The following CCDC144A variants were observed in gnomAD, a reference collection of about 807,000 sequenced individuals.
The protein encoded by CCDC144A is coiled-coil domain-containing protein 144A.
In CCDC144A, 41 loss-of-function variants were observed where a neutral mutation model predicts 143.8. That is an observed-to-expected ratio of 0.29 (90% CI 0.22 to 0.37). The LOEUF is 0.37. Among genes scored for constraint, CCDC144A ranks in the 10% least tolerant of loss-of-function variants. The pLI, the probability that CCDC144A is intolerant of heterozygous loss-of-function variation, is 1.00. For missense variants in CCDC144A, 637 were observed against 1,488.8 expected (o/e 0.43, Z 9.41); for synonymous variants, 242 against 517.9 (o/e 0.47, Z 7.23).
chr17:16,667,582 T>G, the CCDC144A span, among the ~76,000 whole-genome samples: 2 of 150,328 alleles, frequency 1.3e-5, no homozygotes, highest in Admixed American at 1.3e-4. Context: ...CTCCGGCTGC[T>G]CAGCCACTTG....
intron 12 of CCDC144A, among the ~76,000 whole-genome samples, chr17:16,752,112 C>T (rs995590461): frequency 3.9e-5 from 6 of 152,272 alleles, no homozygotes; most frequent in African/African-American, 7.2e-5. Context: ...GGAACTGGGC[C>T]GCACAGCAGG....
chr17:16,702,824 G>A (rs936005960), intron 2 of CCDC144A, among the ~76,000 whole-genome samples: 5 of 151,782 alleles, frequency 3.3e-5, no homozygotes, highest in Non-Finnish European at 7.4e-5. Flanking sequence ...AAGAAGAGTG[G>A]GGTATTAGAA....
intron 12 of CCDC144A, among the ~76,000 whole-genome samples, chr17:16,750,622 C>A (rs1321554137): frequency 6.6e-6 from 1 of 151,730 alleles, no homozygotes; most frequent in Admixed American, 6.6e-5. Flanking sequence ...TGGACTATAT[C>A]CTCAGACATG....
At chr17:16,693,550 C>T (rs1187843956) in intron 2 of CCDC144A, among the ~76,000 whole-genome samples, 1 of 152,168 alleles carries the variant, frequency 6.6e-6, no homozygotes, top group Non-Finnish European at 1.5e-5. Flanking sequence ...CTCCTGACCT[C>T]ATGATCCATC....
At chr17:16,756,792 G>A in intron 12 of CCDC144A, among the ~76,000 whole-genome samples, 1 of 151,824 alleles carries the variant, frequency 6.6e-6, no homozygotes, top group Non-Finnish European at 1.5e-5. Flanking sequence ...TTCTGTAGAT[G>A]TATCTATGTT....
At chr17:16,739,837 GTCTT>G (rs1174203323) in intron 12 of CCDC144A, among the ~76,000 whole-genome samples, 2 of 151,514 alleles carry the variant, frequency 1.3e-5, no homozygotes, top group African/African-American at 4.9e-5. Context: ...ATTACCAGTT[GTCTT>G]ATGTAAGAAT....
chr17:16,683,607 A>C, the CCDC144A span: 3 of 1,611,116 alleles, frequency 1.9e-6, no homozygotes, highest in African/African-American at 1.3e-5. Context: ...TGCCAGATTT[A>C]AGAAGTTTGC....
intron 2 of CCDC144A, among the ~76,000 whole-genome samples, chr17:16,694,844 T>A (rs1337618909): frequency 1.3e-5 from 2 of 152,224 alleles, no homozygotes; most frequent in Non-Finnish European, 1.5e-5. Flanking sequence ...ATGTTAACAG[T>A]AATTTTGTTA....
In CCDC144A at chr17:16,776,928, A is replaced by G. The variant is rs537987500; in HGVS notation, c.*3295A>G. 8.1e-5 allele frequency: 12 copies of G among 147,806 alleles called. No individual in the cohort carries two copies. In the South Asian group the frequency reaches 1.1e-3, roughly 13 times the overall value. The allele number at this position is 147,806 out of a possible 1,614,324, so 9.2% of individuals were successfully genotyped here. A position where few individuals can be genotyped will look rare whatever the true frequency, so the allele number is the denominator to read the frequency against. ...ATATAGAATGGCAGAATGGGTAAGA[A>G]TTCACCAACCAAGTTGCTGCTGTCT... On this transcript the variant is annotated 3_prime_UTR_variant, in exon 17 of 17. Coordinates refer to ENST00000399273, the MANE Select transcript of CCDC144A (RefSeq NM_001382000.1).
chr17:16,757,688 C>T (rs1915160274), intron 12 of CCDC144A, among the ~76,000 whole-genome samples: 1 of 152,196 alleles, frequency 6.6e-6, no homozygotes, highest in Non-Finnish European at 1.5e-5. Flanking sequence ...CCTCCGGCCT[C>T]CTAAAGGTAT....
chr17:16,745,620 C>T lies in CCDC144A; in HGVS notation c.3372+9977C>T, dbSNP rs1244872416. The T allele has an allele frequency of 2.9e-5, 46 of 1,560,468 alleles. 1 individual carries two copies. The Admixed American group carries it at 7.5e-4, about 25-fold the overall frequency. On this transcript the variant is annotated intron_variant, in intron 12 of 16. Coordinates refer to ENST00000399273, the MANE Select transcript of CCDC144A (RefSeq NM_001382000.1). ...CTCGCTCGTCCATGGAGGCCAGGTG[C>T]GTGCAGTGACTCACTCTGCCTCTTC...
rs760344292 is a variant in CCDC144A at position 16,724,787 on chromosome 17, A to ATTT, written c.1892-2706_1892-2704dup. 7.2e-3 allele frequency among the ~76,000 whole-genome samples: 252 copies of ATTT among 35,000 alleles called. 16 individuals carry two copies. Among genetic ancestry groups the ATTT allele is most frequent in the Non-Finnish European group, 0.011 (209 of 19,270 alleles). 23.0% of individuals were successfully genotyped at this position (35,000 alleles called of 152,430 possible). A position where few individuals can be genotyped will look rare whatever the true frequency, so the allele number is the denominator to read the frequency against. On this transcript the variant is annotated intron_variant, in intron 8 of 16. Transcript: ENST00000399273. The stretch of plus-strand genomic sequence containing the variant: ...AGATTACACGTTCTTGATTAACTGA[A>ATTT]TTTTTTTTTTTTTTTTTTTTTTTTT...
At chr17:16,695,734 T>C (rs1409293896) in intron 2 of CCDC144A, among the ~76,000 whole-genome samples, 1 of 151,530 alleles carries the variant, frequency 6.6e-6, no homozygotes, top group Non-Finnish European at 1.5e-5. Flanking sequence ...TGATCATTTA[T>C]TATGTTAAAT....
intron 2 of CCDC144A, among the ~76,000 whole-genome samples, chr17:16,693,351 C>T (rs1911203425): frequency 6.6e-6 from 1 of 151,256 alleles, no homozygotes; most frequent in African/African-American, 2.4e-5. Context: ...CGGAGTCTCG[C>T]TGTCGCCCAG....
chr17:16,711,194 G>A (rs1912422664), intron 5 of CCDC144A, among the ~76,000 whole-genome samples: 1 of 117,682 alleles, frequency 8.5e-6, no homozygotes, highest in Non-Finnish European at 1.8e-5. Flanking sequence ...GCTTAGTGCA[G>A]AAAAGGGAAA....
At chr17:16,757,709 G>A (rs1216933674) in intron 12 of CCDC144A, among the ~76,000 whole-genome samples, 1 of 152,364 alleles carries the variant, frequency 6.6e-6, no homozygotes, top group Non-Finnish European at 1.5e-5. Context: ...GTACAGGTAT[G>A]CACAGCACTG....
In CCDC144A at chr17:16,709,217, T is replaced by C. The variant is rs1912241684; in HGVS notation, c.1160T>C (p.Val387Ala). 1 of 1,611,764 alleles carries C rather than the reference T, an allele frequency of 6.2e-7. No homozygotes were observed. Among genetic ancestry groups the C allele is most frequent in the African/African-American group, 1.3e-5 (1 of 74,968 alleles). The change falls in exon 5 of 17, where the codon GTT (valine) becomes GCT (alanine). Residue 387 changes from valine (V) to alanine (A), a missense_variant. Val to Ala is a moderately conservative substitution (Grantham distance 64). Coordinates refer to ENST00000399273, the MANE Select transcript of CCDC144A (RefSeq NM_001382000.1). ...YHPYSGSQEHVCQSSSKFHLH... is the reference protein window; with the variant it reads ...YHPYSGSQEHACQSSSKFHLH... ...CCATACTCTGGGTCCCAGGAACATG[T>C]TTGCCAGTCATCTTCTAAGTTTCAT...
intron 11 of CCDC144A, among the ~76,000 whole-genome samples, chr17:16,733,436 G>A (rs1330991271): frequency 2.7e-5 from 4 of 150,046 alleles, no homozygotes; most frequent in East Asian, 1.9e-4. Flanking sequence ...CCTGGGTGGC[G>A]GAGCTTGCAG....
At chr17:16,739,889 T>C (rs1444941083) in intron 12 of CCDC144A, among the ~76,000 whole-genome samples, 1 of 151,036 alleles carries the variant, frequency 6.6e-6, no homozygotes, top group Admixed American at 6.6e-5. Flanking sequence ...ATTTCACTTT[T>C]TGCTTCTTGA....
Sources: allele counts gnomAD v4.1 joint callset (sites outside exome capture counted in the v4.1 genomes callset), GRCh38; gene constraint gnomAD v4.1.1; transcripts MANE v1.5; gene names NCBI Gene and HGNC (gene_info 2026-07-23, HGNC 2026-07-21).